The following CCM2L variants were observed in gnomAD, a reference collection of about 807,000 sequenced individuals.
CCM2L encodes the protein CCM2 like scaffold protein.
Under a neutral mutation model 54.1 loss-of-function variants are expected in CCM2L, and 36 were observed. The observed-to-expected ratio is 0.67, with a 90% CI of 0.51 to 0.88. The LOEUF (loss-of-function observed/expected upper bound fraction) is 0.88, where lower values mean the gene tolerates loss of function less well. Among genes scored for constraint, CCM2L ranks in the 40% least tolerant of loss-of-function variants. The pLI is 0.00. For missense variants in CCM2L, 700 were observed against 812.1 expected (o/e 0.86, Z 1.68); for synonymous variants, 351 against 359.3 (o/e 0.98, Z 0.26).
Position 32,019,489 on chromosome 20 carries a change from C to T in CCM2L, c.933+80C>T, listed in dbSNP as rs1412455375. ...CGCCCCCACCTTGCCCCCGCCCCAC[C>T]CACCAGGTTCCTAGGATCTGCCCCT... On this transcript the variant is annotated intron_variant, in intron 5 of 9. Transcript: ENST00000452892. 5 of 1,068,156 alleles carry T rather than the reference C, an allele frequency of 4.7e-6. No homozygotes were observed. The African/African-American group carries it at 8.3e-5, about 18-fold the overall frequency. The allele number at this position is 1,068,156 out of a possible 1,614,324, so 66.2% of individuals were successfully genotyped here. A position where few individuals can be genotyped will look rare whatever the true frequency, so the allele number is the denominator to read the frequency against.
chr20:32,022,663 GCTGCAGAGGAGTC>G lies in CCM2L; in HGVS notation c.942_954del (p.Glu315HisfsTer137). On this transcript the variant is annotated frameshift_variant, in exon 6 of 10. Transcript: ENST00000452892. LOFTEE classifies it high-confidence loss of function. The stretch of plus-strand genomic sequence containing the variant: ...TCTCTCCTCCTCCCTGGGCCAGGAC[GCTGCAGAGGAGTC>G]CTGCGCACTCATCTGTCAGGTCTTC... 6.2e-7 allele frequency: 1 copy of G among 1,614,028 alleles called. No homozygotes were observed. Among genetic ancestry groups the G allele is most frequent in the Non-Finnish European group, 8.5e-7 (1 of 1,179,952 alleles).
At chr20:32,030,863 A>G in intron 9 of CCM2L, 138 bp from the exon 10 acceptor site, 1 of 580,716 alleles carries the variant, frequency 1.7e-6, no homozygotes, top group Non-Finnish European at 2.6e-6. Flanking sequence ...TGGCTCAGAC[A>G]GTTAAGGACC....
At chr20:32,027,595 T>C (rs1408662880) in intron 7 of CCM2L, among the ~76,000 whole-genome samples, 4 of 152,236 alleles carry the variant, frequency 2.6e-5, no homozygotes, top group Non-Finnish European at 4.4e-5. Context: ...AGTTTAGTTT[T>C]CCCAAGGTCA....
At chr20:32,030,556 G>A (rs745869149) in intron 9 of CCM2L, among the ~76,000 whole-genome samples, 35 of 152,000 alleles carry the variant, frequency 2.3e-4, no homozygotes, top group Non-Finnish European at 4.6e-4. Flanking sequence ...AACAAAAATA[G>A]GCCTGGCGAG....
At chr20:32,026,569 T>C (rs1210457722) in intron 7 of CCM2L, among the ~76,000 whole-genome samples, 1 of 151,988 alleles carries the variant, frequency 6.6e-6, no homozygotes, top group East Asian at 1.9e-4. Context: ...AGCTGGAAAA[T>C]TTAGGATTAA....
chr20:32,022,627 G>A, intron 5 of CCM2L, 33 bp from the exon 6 acceptor site: 1 of 1,611,722 alleles, frequency 6.2e-7, no homozygotes, highest in Non-Finnish European at 8.5e-7. Context: ...CATTGGTGAG[G>A]ACCTGAGCTC....
In CCM2L at chr20:32,019,347, G is replaced by C; in HGVS notation, c.871G>C (p.Asp291His). ...GCGCCACCCCGGCCCCAACCCGCTCGACCCGCAGGACCCCAGCCCCGACGC... is the reference window on the plus strand; with the variant it reads ...GCGCCACCCCGGCCCCAACCCGCTCCACCCGCAGGACCCCAGCCCCGACGC... ...ERRHPGPNPL[D>H]PQDPSPDAYC... The change falls in exon 5 of 10, where the codon GAC becomes CAC. Residue 291 changes from aspartate (D) to histidine (H), a missense_variant. Transcript: ENST00000452892. The C allele has an allele frequency of 1.4e-6, 2 of 1,475,310 alleles. No homozygotes were observed. The highest frequency in any genetic ancestry group is 8.9e-7 in the Non-Finnish European group (1 of 1,117,564). 91.4% of individuals were successfully genotyped at this position (1,475,310 alleles called of 1,614,324 possible).
chr20:32,028,987 G>C lies in CCM2L; in HGVS notation c.1134-8G>C, dbSNP rs142270652. 5,161 of 1,613,998 alleles carry C rather than the reference G, an allele frequency of 3.2e-3. 156 individuals carry two copies. In the African/African-American group the frequency reaches 0.061, roughly 19 times the overall value. The stretch of plus-strand genomic sequence containing the variant: ...GGCGAGTGAAGGCCCTTCTTCCCGT[G>C]CCTGCAGTAATGGCTCCCAGGACAC... On this transcript the variant is annotated splice_region_variant and splice_polypyrimidine_tract_variant and intron_variant, in intron 7 of 9. Transcript: ENST00000452892.
chr20:32,011,268 C>A (rs115925087), intron 1 of CCM2L, among the ~76,000 whole-genome samples: 1 of 152,124 alleles, frequency 6.6e-6, no homozygotes, highest in Non-Finnish European at 1.5e-5. Flanking sequence ...CTATTATGCA[C>A]CAGGTATTTC....
chr20:32,028,831 A>T, intron 7 of CCM2L, 164 bp from the exon 8 acceptor site: 1 of 827,204 alleles, frequency 1.2e-6, no homozygotes, highest in Non-Finnish European at 1.9e-6. Context: ...GCAAAGGCAA[A>T]GGCAAGCACA....
At chr20:32,017,600 G>A (rs761623123) in intron 2 of CCM2L, among the ~76,000 whole-genome samples, 200 bp from the exon 3 acceptor site, 26 of 152,200 alleles carry the variant, frequency 1.7e-4, no homozygotes, top group Non-Finnish European at 3.7e-4. Flanking sequence ...CTTAAAGCAA[G>A]GGTGAATGAG....
At chr20:32,015,874 T>TTTTTTTTTA in intron 2 of CCM2L, among the ~76,000 whole-genome samples, 3 of 151,008 alleles carry the variant, frequency 2.0e-5, no homozygotes, top group African/African-American at 7.3e-5. Flanking sequence ...TTTTTTTTTT[T>TTTTTTTTTA]GAGACAGAGT....
chr20:32,020,156 C>T (rs1358653166), intron 5 of CCM2L, among the ~76,000 whole-genome samples: 2 of 152,210 alleles, frequency 1.3e-5, no homozygotes. Flanking sequence ...GGCGAGCAGA[C>T]ACCTTCAAGT....
Position 32,019,178 on chromosome 20 carries a change from G to A in CCM2L, c.702G>A (p.Ser234=). 1 of 1,127,248 alleles carries A rather than the reference G, an allele frequency of 8.9e-7. No homozygotes were observed. Among genetic ancestry groups the A allele is most frequent in the Non-Finnish European group, 1.1e-6 (1 of 911,036 alleles). The allele number at this position is 1,127,248 out of a possible 1,614,324, so 69.8% of individuals were successfully genotyped here. A position where few individuals can be genotyped will look rare whatever the true frequency, so the allele number is the denominator to read the frequency against. ...GCCAGCGCGCCGGGGCGCGGGCGTC[G>A]GGCAGCTGGGAGCGACGGCAGACGT... ...LERQRAGARA[S]GSWERRQTFS... The change falls in exon 5 of 10, where the codon TCG becomes TCA. Residue 234 remains serine, a synonymous_variant. Coordinates refer to ENST00000452892, the MANE Select transcript of CCM2L (RefSeq NM_001365692.1).
At chr20:32,018,203 G>GGGGGCGGGGGA (rs1305102346) in intron 4 of CCM2L, 41 bp downstream of exon 4, 1 of 307,340 alleles carries the variant, frequency 3.3e-6, no homozygotes, top group Non-Finnish European at 5.4e-6. Flanking sequence ...GGGCGGGGGC[G>GGGGGCGGGGGA]GGGGCGGGGG....
intron 7 of CCM2L, among the ~76,000 whole-genome samples, chr20:32,026,206 C>CA: frequency 6.6e-6 from 1 of 152,118 alleles, no homozygotes; most frequent in Middle Eastern, 3.4e-3. Context: ...AGCTACATGC[C>CA]AAAAAAATTA....
chr20:32,022,334 C>T (rs1458337173), intron 5 of CCM2L, among the ~76,000 whole-genome samples: 3 of 152,132 alleles, frequency 2.0e-5, no homozygotes, highest in Admixed American at 2.0e-4. Flanking sequence ...ATCACTTCCC[C>T]TCACTGGGCC....
chr20:32,017,936 T>C (rs1418167549), intron 3 of CCM2L, 43 bp from the exon 4 acceptor site: 1 of 1,613,348 alleles, frequency 6.2e-7, no homozygotes, highest in Non-Finnish European at 8.5e-7. Context: ...CTCCCTCTTC[T>C]ACCTGCGGAC....
Position 32,031,283 on chromosome 20 carries a change from G to T in CCM2L, c.1685G>T (p.Gly562Val). ...GATGAGCCCCGGGGCTCCAGGGGCG[G>T]GAGCGACGCCGCAGAAGACAACTAC... Reference protein sequence around the residue: ...DEDEPRGSRGGSDAAEDNYL With the variant: ...DEDEPRGSRGVSDAAEDNYL Residue 562 changes from glycine to valine, a missense_variant, in exon 10 of 10, where the codon GGG (glycine) becomes GTG (valine). Coordinates refer to ENST00000452892, the MANE Select transcript of CCM2L (RefSeq NM_001365692.1). The T allele has an allele frequency of 7.8e-7, 1 of 1,289,996 alleles. No individual in the cohort carries two copies. The highest frequency in any genetic ancestry group is 1.0e-6 in the Non-Finnish European group (1 of 987,044). The allele number at this position is 1,289,996 out of a possible 1,614,324, so 79.9% of individuals were successfully genotyped here. A position where few individuals can be genotyped will look rare whatever the true frequency, so the allele number is the denominator to read the frequency against.
Sources: allele counts gnomAD v4.1 joint callset (sites outside exome capture counted in the v4.1 genomes callset), GRCh38; gene constraint gnomAD v4.1.1; transcripts MANE v1.5; gene names NCBI Gene and HGNC (gene_info 2026-07-23, HGNC 2026-07-21).